NUP58: variants seen among roughly 807,000 people sequenced by gnomAD.
NUP58 encodes nucleoporin 58, also known as nucleoporin p58/p45.
A neutral mutation model predicts 70.1 loss-of-function variants in NUP58; 17 were observed. The ratio of observed to expected loss-of-function variants is 0.24; its 90% CI spans 0.17 to 0.36. The LOEUF is 0.36. Among genes scored for constraint, NUP58 ranks in the 10% least tolerant of loss-of-function variants. NUP58 has a pLI of 1.00. For synonymous variants in NUP58, 275 were observed against 257.6 expected, an observed-to-expected ratio of 1.07 and a Z score of -0.65; for missense variants, 644 against 701.5, an observed-to-expected ratio of 0.92 and a Z score of 0.93.
In NUP58 at chr13:25,315,467, AGTAAGTAATGCT is replaced by A. The variant is rs1295657513; in HGVS notation, c.685+3_685+14del. The A allele has an allele frequency of 6.3e-7, 1 of 1,590,884 alleles. No individual in the cohort carries two copies. ...TTTCAGTAGCTCCTCAGATAAAAAGAGTAAGTAATGCTGTTGTAACTTTATGTTTTAACAGTT... is the reference window on the plus strand; with the variant it reads ...TTTCAGTAGCTCCTCAGATAAAAAGAGTTGTAACTTTATGTTTTAACAGTT... On this transcript the variant is annotated splice_donor_variant and splice_donor_5th_base_variant and intron_variant, in intron 6 of 15. Transcript: ENST00000381736. LOFTEE classifies it high-confidence loss of function.
At chr13:25,348,535 C>G (rs184034549) in intron 3 of NUP58, among the ~76,000 whole-genome samples, 1 of 152,074 alleles carries the variant, frequency 6.6e-6, no homozygotes, top group Non-Finnish European at 1.5e-5. Flanking sequence ...CTTAGCCTCC[C>G]AAGTAGCTAG....
rs1217108098 is a variant in NUP58, at chr13:25,331,375, C to G, written c.1252C>G (p.Leu418Val). 1.2e-6 allele frequency: 2 copies of G among 1,613,906 alleles called. No individual in the cohort carries two copies. Among genetic ancestry groups the G allele is most frequent in the Non-Finnish European group, 1.7e-6 (2 of 1,179,982 alleles). Residue 418 changes from leucine to valine, a missense_variant, in exon 13 of 16, where the codon CTT becomes GTT. This residue lies in a region of NUP58 where 78 missense variants were observed against 71.3 expected (regional missense o/e 1.09). Coordinates refer to ENST00000381736, the MANE Select transcript of NUP58 (RefSeq NM_014089.4). The part of the protein sequence containing the change: ...ENVKVLKEQY[L>V]GYRKMFLGDA... ...CTTTTAGGTTCTGAAAGAACAGTAC[C>G]TTGGCTACAGGAAAATGTTCTTGGG...
At chr13:25,323,259 T>C (rs2031258586) in intron 9 of NUP58, among the ~76,000 whole-genome samples, 1 of 152,076 alleles carries the variant, frequency 6.6e-6, no homozygotes, top group Non-Finnish European at 1.5e-5. Flanking sequence ...TTATAGTTAA[T>C]GCATGCTGGG....
intron 3 of NUP58, 183 bp downstream of exon 3, chr13:25,309,465 G>T: frequency 2.0e-6 from 1 of 490,680 alleles, no homozygotes; most frequent in Non-Finnish European, 3.5e-6. Flanking sequence ...AAAAAGGAAT[G>T]ACTTCGTAGA....
intron 13 of NUP58, chr13:25,333,287 C>T: frequency 1.0e-6 from 1 of 985,246 alleles, no homozygotes; most frequent in Non-Finnish European, 1.2e-6. Flanking sequence ...CAAAGGTAGA[C>T]AATATAGATT....
rs370961527 is a variant in NUP58, at chr13:25,321,103, C to T, written c.951+10C>T. The T allele has an allele frequency of 3.4e-5, 53 of 1,563,176 alleles. No homozygotes were observed. The African/African-American group carries it at 6.2e-4, about 18-fold the overall frequency. ...AATAGAAACTGCTCAGGTATACCAA[C>T]TTATGGCCATTTTACCGTAGGGTTT... On this transcript the variant is annotated intron_variant, in intron 9 of 15. Transcript: ENST00000381736.
intron 13 of NUP58, chr13:25,336,003 G>T: frequency 1.8e-6 from 2 of 1,118,032 alleles, no homozygotes; most frequent in Non-Finnish European, 2.2e-6. Context: ...GTTTAAAAGA[G>T]AGGCTAGTAA....
intron 13 of NUP58, chr13:25,332,080 T>G: frequency 1.1e-5 from 11 of 996,128 alleles, no homozygotes; most frequent in Non-Finnish European, 1.3e-5. Context: ...ATGTTGACTG[T>G]AAACAGAATA....
intron 9 of NUP58, 114 bp from the exon 10 acceptor site, chr13:25,324,875 C>T (rs1334345635): frequency 5.5e-6 from 4 of 723,874 alleles, no homozygotes; most frequent in South Asian, 4.8e-5. Context: ...CATGAACCTC[C>T]AAGGTATTGT....
chr13:25,309,241 C>T lies in NUP58; in HGVS notation c.251-6C>T. The T allele has an allele frequency of 1.3e-6, 2 of 1,599,324 alleles. No individual in the cohort carries two copies. The highest frequency in any genetic ancestry group is 2.2e-5 in the South Asian group (2 of 90,502). On this transcript the variant is annotated splice_region_variant and splice_polypyrimidine_tract_variant and intron_variant, in intron 2 of 15. Transcript: ENST00000381736. The stretch of plus-strand genomic sequence containing the variant: ...GATTAAATTTTATTTCTCTTTTTGT[C>T]CCCAGGAATAGCAACAACTATAACT...
At chr13:25,307,409 T>C (rs1207196068) in intron 1 of NUP58, among the ~76,000 whole-genome samples, 1 of 151,932 alleles carries the variant, frequency 6.6e-6, no homozygotes, top group African/African-American at 2.4e-5. Flanking sequence ...AGAGACGAGG[T>C]TTCACCCTGT....
chr13:25,321,032 C>A lies in NUP58; in HGVS notation c.890C>A (p.Ala297Asp). Residue 297 changes from alanine to aspartate, a missense_variant, in exon 9 of 16, where the codon GCT becomes GAT. Ala to Asp is a moderately radical substitution (Grantham distance 126). Coordinates refer to ENST00000381736, the MANE Select transcript of NUP58 (RefSeq NM_014089.4). ...GCTCTGAAGCAGCTCCTGTCGTTGG[C>A]TGCCAATGGAATACAGAGAAACACT... Reference protein sequence around the residue: ...IKALKQLLSLAANGIQRNTLN... With the variant: ...IKALKQLLSLDANGIQRNTLN... The A allele has an allele frequency of 6.2e-7, 1 of 1,600,856 alleles. No homozygotes were observed. Among genetic ancestry groups the A allele is most frequent in the African/African-American group, 1.3e-5 (1 of 74,084 alleles).
chr13:25,306,304 C>G (rs575098091), intron 1 of NUP58, among the ~76,000 whole-genome samples: 11 of 149,070 alleles, frequency 7.4e-5, no homozygotes, highest in Admixed American at 4.1e-4. Flanking sequence ...ACTCCGGAGG[C>G]TGAGGTAGGA....
intron 1 of NUP58, among the ~76,000 whole-genome samples, chr13:25,307,373 A>T (rs1273151208): frequency 3.3e-5 from 5 of 151,568 alleles, no homozygotes; most frequent in Admixed American, 1.3e-4. Context: ...CCACCACCAC[A>T]CCTGGCTAAT....
At position 25,312,967 on chromosome 13, in the gene NUP58, T is replaced by A. The variant is rs767083455; in HGVS notation, c.371T>A (p.Leu124Gln). 6.2e-7 allele frequency: 1 copy of A among 1,614,204 alleles called. No homozygotes were observed. The highest frequency in any genetic ancestry group is 1.7e-5 in the Admixed American group (1 of 60,026). ...KPAASATPFALPITSTSASGL... is the reference protein window; with the variant it reads ...KPAASATPFAQPITSTSASGL... ...GCAGCATCTGCCACACCATTTGCTC[T>A]ACCTATTACCTCTACCTCAGCTAGC... Residue 124 changes from leucine to glutamine, a missense_variant, in exon 4 of 16, where the codon CTA (leucine) becomes CAA (glutamine). Physicochemically the swap from Leu to Gln is moderately radical, Grantham distance 113. Around this residue, in one of 4 missense-constraint regions of NUP58, gnomAD observed 430 missense variants for 409.2 expected, o/e 1.05. Coordinates refer to ENST00000381736, the MANE Select transcript of NUP58 (RefSeq NM_014089.4).
intron 13 of NUP58, chr13:25,333,775 C>A: frequency 1.0e-6 from 1 of 985,326 alleles, no homozygotes; most frequent in African/African-American, 1.7e-5. Context: ...TCTGTGAAAT[C>A]TTTGTTTTTA....
At chr13:25,302,982 A>T in intron 1 of NUP58, 1 of 456,730 alleles carries the variant, frequency 2.2e-6, no homozygotes, top group Non-Finnish European at 4.4e-6. Flanking sequence ...TATTGGACAG[A>T]TTCCCATGTG....
At chr13:25,329,107 A>G (rs1416053748) in intron 12 of NUP58, among the ~76,000 whole-genome samples, 3 of 152,208 alleles carry the variant, frequency 2.0e-5, no homozygotes, top group Admixed American at 1.3e-4. Flanking sequence ...CTATTAGTCT[A>G]TAATAAATGT....
Position 25,325,087 on chromosome 13 carries a change from A to G in NUP58, c.1031+19A>G. On this transcript the variant is annotated intron_variant, in intron 10 of 15. Coordinates refer to ENST00000381736, the MANE Select transcript of NUP58 (RefSeq NM_014089.4). ...CTGCTGAGTAAGTTGCTGGATTTTT[A>G]AAAACAAATGTTTCTCACTTTCAGA... The G allele has an allele frequency of 6.5e-7, 1 of 1,541,354 alleles. No individual in the cohort carries two copies. The highest frequency in any genetic ancestry group is 8.9e-7 in the Non-Finnish European group (1 of 1,123,998).
Sources: allele counts gnomAD v4.1 joint callset (sites outside exome capture counted in the v4.1 genomes callset), GRCh38; gene constraint gnomAD v4.1.1; regional missense constraint gnomAD v4.1.1; transcripts MANE v1.5; gene names NCBI Gene and HGNC (gene_info 2026-07-23, HGNC 2026-07-21).